Variants in GLI3 observed in about 807,000 individuals in gnomAD.
GLI3 encodes transcription activator GLI3.
A neutral mutation model predicts 100.8 loss-of-function variants in GLI3; 20 were observed. That is an observed-to-expected ratio of 0.20 (90% CI 0.14 to 0.29). The LOEUF is 0.29. Ranked by LOEUF, GLI3 falls within the 10% of genes least tolerant of loss-of-function variation. The probability of loss-of-function intolerance (pLI) is 1.00; values close to 1 mark genes in which losing one functional copy is unlikely to be tolerated. For missense variants in GLI3, 2,040 were observed against 2,128.5 expected, an observed-to-expected ratio of 0.96 and a Z score of 0.82; for synonymous variants, 938 against 860.5, an observed-to-expected ratio of 1.09 and a Z score of -1.58.
At chr7:42,018,168 T>C (rs527834243) in intron 10 of GLI3, among the ~76,000 whole-genome samples, 2 of 152,302 alleles carry the variant, frequency 1.3e-5, no homozygotes, top group Admixed American at 1.3e-4. Context: ...AGGTGCAATT[T>C]AGTCAGCAAC....
At chr7:42,256,880 A>G (rs1267051236) in intron 1 of GLI3, among the ~76,000 whole-genome samples, 1 of 152,176 alleles carries the variant, frequency 6.6e-6, no homozygotes, top group Non-Finnish European at 1.5e-5. Flanking sequence ...AAGCTGTTAT[A>G]TTATTTTTGA....
intron 1 of GLI3, among the ~76,000 whole-genome samples, chr7:42,250,290 T>C (rs921473930): frequency 6.6e-6 from 1 of 152,078 alleles, no homozygotes; most frequent in African/African-American, 2.4e-5. Flanking sequence ...AAAAAAACCA[T>C]ACCAACAAAC....
At chr7:42,057,268 A>G (rs1421497125) in intron 4 of GLI3, among the ~76,000 whole-genome samples, 1 of 152,250 alleles carries the variant, frequency 6.6e-6, no homozygotes, top group Admixed American at 6.5e-5. Context: ...TTTATAGTGC[A>G]GTGCAAATTA....
chr7:42,129,497 G>A (rs1786218257), intron 3 of GLI3, among the ~76,000 whole-genome samples: 1 of 152,222 alleles, frequency 6.6e-6, no homozygotes, highest in Non-Finnish European at 1.5e-5. Flanking sequence ...AGAAACAGGT[G>A]GCAGCTGATT....
At chr7:42,142,988 T>TA (rs1441200845) in intron 3 of GLI3, among the ~76,000 whole-genome samples, 1 of 149,432 alleles carries the variant, frequency 6.7e-6, no homozygotes, top group Non-Finnish European at 1.5e-5. Context: ...TTTCTAGTCT[T>TA]AAAACATTAC....
At position 42,199,964 on chromosome 7, in the gene GLI3, A is replaced by G. The variant is rs905305968; in HGVS notation, c.124+23166T>C. ...CCAGCTACTAGGGAGGCTGAGGCAG[A>G]AGAATTGCTTGAATCCGGGAGGCGG... On this transcript the variant is annotated intron_variant, in intron 2 of 14. Coordinates refer to ENST00000395925, the MANE Select transcript of GLI3 (RefSeq NM_000168.6). Among the ~76,000 whole-genome samples, 10 of 152,260 alleles carry G rather than the reference A, an allele frequency of 6.6e-5. No individual in the cohort carries two copies. In the South Asian group the frequency reaches 1.5e-3, roughly 22 times the overall value.
chr7:41,968,743 A>AGAAGGAAG (rs1451627482), intron 13 of GLI3, among the ~76,000 whole-genome samples: 6 of 129,734 alleles, frequency 4.6e-5, no homozygotes, highest in Admixed American at 7.3e-5. Context: ...AAAGAAAGAA[A>AGAAGGAAG]GAAAGAAAGA....
Position 41,961,438 on chromosome 7 carries a change from T to C in GLI3, c.*2892A>G, listed in dbSNP as rs570322212. ...GGCAACACCAACTGGTCCCTCTCATTGACAAGATTAACATAAAATAAGGCA... is the reference window on the plus strand; with the variant it reads ...GGCAACACCAACTGGTCCCTCTCATCGACAAGATTAACATAAAATAAGGCA... On this transcript the variant is annotated 3_prime_UTR_variant, in exon 15 of 15. Transcript: ENST00000395925. The C allele has an allele frequency of 6.6e-6, 1 of 152,660 alleles. No homozygotes were observed. Among genetic ancestry groups the C allele is most frequent in the South Asian group, 2.1e-4 (1 of 4,824 alleles). The allele number at this position is 152,660 out of a possible 1,614,324, so 9.5% of individuals were successfully genotyped here. A position where few individuals can be genotyped will look rare whatever the true frequency, so the allele number is the denominator to read the frequency against.
chr7:42,262,860 C>G (rs977189591), intron 1 of GLI3, among the ~76,000 whole-genome samples: 1 of 152,028 alleles, frequency 6.6e-6, no homozygotes, highest in Non-Finnish European at 1.5e-5. Flanking sequence ...ATTCCATTTT[C>G]TCTGCATTTC....
At chr7:41,991,577 T>C (rs1787988734) in intron 10 of GLI3, among the ~76,000 whole-genome samples, 1 of 152,182 alleles carries the variant, frequency 6.6e-6, no homozygotes, top group African/African-American at 2.4e-5. Context: ...GTAGAAGGCA[T>C]AGAGTTTAGA....
In GLI3 at chr7:42,213,615, T is replaced by C. The variant is rs749860652; in HGVS notation, c.124+9515A>G. Among the ~76,000 whole-genome samples the C allele has an allele frequency of 3.9e-5, 6 of 152,232 alleles. No homozygotes were observed. In the South Asian group the frequency reaches 6.2e-4, roughly 16 times the overall value. On this transcript the variant is annotated intron_variant, in intron 2 of 14. Coordinates refer to ENST00000395925, the MANE Select transcript of GLI3 (RefSeq NM_000168.6). ...GTTCTCTGTGGCAGCTCTGAGTCCA[T>C]TCAATATTTTCCACAGACAGAGAAA...
upstream of GLI3, among the ~76,000 whole-genome samples, chr7:42,241,700 C>G (rs868517959): frequency 2.4e-4 from 36 of 152,272 alleles, no homozygotes; most frequent in South Asian, 4.1e-4. Flanking sequence ...CTGCTGTGTC[C>G]CTCTTCACCT....
intron 3 of GLI3, among the ~76,000 whole-genome samples, chr7:42,107,209 T>G (rs1293055416): frequency 6.6e-6 from 1 of 152,052 alleles, no homozygotes; most frequent in Non-Finnish European, 1.5e-5. Flanking sequence ...TGCAAGTCTG[T>G]AGTCCCAGCT....
chr7:41,968,717 A>AAGAAAGAAAGAAAGAAAG (rs1787262285), intron 13 of GLI3, among the ~76,000 whole-genome samples: 1 of 103,648 alleles, frequency 9.6e-6, no homozygotes, highest in African/African-American at 4.8e-5. Flanking sequence ...AAGAAAGAAG[A>AAGAAAGAAAGAAAGAAAG]AAGAAAGAAA....
At chr7:42,140,142 A>G (rs1786531977) in intron 3 of GLI3, among the ~76,000 whole-genome samples, 1 of 152,164 alleles carries the variant, frequency 6.6e-6, no homozygotes, top group Non-Finnish European at 1.5e-5. Flanking sequence ...TCTTTCAGAT[A>G]TCACCTCCTC....
intron 10 of GLI3, among the ~76,000 whole-genome samples, chr7:41,991,607 C>T (rs73099021): frequency 6.6e-6 from 1 of 152,198 alleles, no homozygotes; most frequent in Non-Finnish European, 1.5e-5. Flanking sequence ...TAAGCCCAGA[C>T]AGTAGGCTAT....
chr7:42,170,397 C>CTTTTTTTTTT (rs1185274818), intron 2 of GLI3, among the ~76,000 whole-genome samples: 2 of 81,064 alleles, frequency 2.5e-5, no homozygotes, highest in Non-Finnish European at 4.5e-5. Context: ...ACTTACTGAT[C>CTTTTTTTTTT]TTTTTTTTTT....
intron 3 of GLI3, among the ~76,000 whole-genome samples, chr7:42,095,732 C>T (rs1189579001): frequency 1.3e-5 from 2 of 152,090 alleles, no homozygotes; most frequent in Admixed American, 1.3e-4. Flanking sequence ...CAGCCTGAGA[C>T]AGGTGGGGTT....
rs1163064029 is a variant in GLI3, at chr7:41,961,050, T to C, written c.*3280A>G. ...TGAAAGCAAAGGTAGAGTTCATCTG[T>C]GGCTGGGCTGCAGCCCCTGGGCTTG... is the stretch of plus-strand genomic sequence containing the variant. On this transcript the variant is annotated 3_prime_UTR_variant, in exon 15 of 15. Coordinates refer to ENST00000395925, the MANE Select transcript of GLI3 (RefSeq NM_000168.6). 1 of 152,640 alleles carries C rather than the reference T, an allele frequency of 6.6e-6. No individual in the cohort carries two copies. Among genetic ancestry groups the C allele is most frequent in the Non-Finnish European group, 1.5e-5 (1 of 68,038 alleles). The allele number at this position is 152,640 out of a possible 1,614,324, so 9.5% of individuals were successfully genotyped here.
Sources: allele counts gnomAD v4.1 joint callset (sites outside exome capture counted in the v4.1 genomes callset), GRCh38; gene constraint gnomAD v4.1.1; transcripts MANE v1.5; gene names NCBI Gene and HGNC (gene_info 2026-07-23, HGNC 2026-07-21).